The following LRFN5 variants were observed in gnomAD, a reference collection of about 807,000 sequenced individuals.
LRFN5 encodes the protein leucine rich repeat and fibronectin type III domain containing 5.
In LRFN5, 24 loss-of-function variants were observed where a neutral mutation model predicts 45.6. That is an observed-to-expected ratio of 0.53 (90% confidence interval 0.38 to 0.74). The LOEUF is 0.74. LRFN5 is among the 30% of genes least tolerant of loss of function. The pLI, the probability that LRFN5 is intolerant of heterozygous loss-of-function variation, is 0.00. For missense variants in LRFN5, 776 were observed against 861.5 expected (o/e 0.90, Z 1.24); for synonymous variants, 340 against 313.8 (o/e 1.08, Z -0.88).
chr14:41,640,361 G>C (rs1213573488), intron 1 of LRFN5, among the ~76,000 whole-genome samples: 1 of 152,022 alleles, frequency 6.6e-6, no homozygotes, highest in East Asian at 1.9e-4. Context: ...AATGATTTCA[G>C]ATTTTCAGAA....
At chr14:41,726,650 T>C (rs1412280686) in intron 1 of LRFN5, among the ~76,000 whole-genome samples, 1 of 152,154 alleles carries the variant, frequency 6.6e-6, no homozygotes. Context: ...TTTGACTTTT[T>C]AATGGCCATC....
intron 1 of LRFN5, among the ~76,000 whole-genome samples, chr14:41,674,538 C>T (rs1254354778): frequency 1.5e-4 from 21 of 140,970 alleles, no homozygotes; most frequent in Admixed American, 2.7e-4. Context: ...GACGGGGCGG[C>T]TGGCCGGGCA....
At chr14:41,786,543 G>GGT (rs75703747) in intron 2 of LRFN5, among the ~76,000 whole-genome samples, 3 of 142,442 alleles carry the variant, frequency 2.1e-5, no homozygotes. Flanking sequence ...CTCTTTATGA[G>GGT]TTTTTTTTTT....
At chr14:41,867,237 T>C (rs1300764299) in intron 2 of LRFN5, among the ~76,000 whole-genome samples, 1 of 152,126 alleles carries the variant, frequency 6.6e-6, no homozygotes, top group Non-Finnish European at 1.5e-5. Flanking sequence ...TTAATAGTTC[T>C]TTGACTCTTG....
intron 2 of LRFN5, among the ~76,000 whole-genome samples, chr14:41,850,543 A>T (rs984526134): frequency 6.6e-6 from 1 of 151,926 alleles, no homozygotes; most frequent in African/African-American, 2.4e-5. Context: ...TACATACCAC[A>T]CCAATGCATT....
intron 2 of LRFN5, among the ~76,000 whole-genome samples, chr14:41,803,991 G>A (rs1241681217): frequency 6.6e-6 from 1 of 152,110 alleles, no homozygotes; most frequent in East Asian, 1.9e-4. Context: ...AGCCTTCTGA[G>A]TAGTTGGGAT....
At chr14:41,879,050 T>A (rs1485431609) in intron 2 of LRFN5, among the ~76,000 whole-genome samples, 5 of 151,922 alleles carry the variant, frequency 3.3e-5, no homozygotes, top group Non-Finnish European at 7.4e-5. Context: ...TACTTAGAGG[T>A]CTCACACAGA....
At chr14:41,674,375 G>A (rs1284622343) in intron 1 of LRFN5, among the ~76,000 whole-genome samples, 27 of 140,594 alleles carry the variant, frequency 1.9e-4, no homozygotes, top group African/African-American at 7.0e-4. Context: ...GCCGGGCGGG[G>A]GGCTGACCCC....
intron 2 of LRFN5, among the ~76,000 whole-genome samples, chr14:41,880,595 C>G (rs1360017733): frequency 6.6e-6 from 1 of 152,038 alleles, no homozygotes; most frequent in African/African-American, 2.4e-5. Flanking sequence ...TGTGTATTCT[C>G]TATTTATTGA....
intron 2 of LRFN5, among the ~76,000 whole-genome samples, chr14:41,873,194 A>G (rs1890075794): frequency 6.6e-6 from 1 of 152,212 alleles, no homozygotes; most frequent in Admixed American, 6.5e-5. Context: ...ATGAGTGAAT[A>G]AAACTGCATC....
intron 2 of LRFN5, among the ~76,000 whole-genome samples, chr14:41,828,041 A>G (rs1367263323): frequency 1.3e-5 from 2 of 152,030 alleles, no homozygotes; most frequent in African/African-American, 4.8e-5. Flanking sequence ...ATATCTGTTC[A>G]CAGTAAAAAT....
At chr14:41,888,200 G>A (rs1301285221) in intron 3 of LRFN5, among the ~76,000 whole-genome samples, 190 bp downstream of exon 3, 1 of 152,036 alleles carries the variant, frequency 6.6e-6, no homozygotes, top group African/African-American at 2.4e-5. Context: ...TTTTTTTAGA[G>A]AGTTCAATTT....
At chr14:41,656,927 A>G (rs886922321) in intron 1 of LRFN5, among the ~76,000 whole-genome samples, 4 of 151,844 alleles carry the variant, frequency 2.6e-5, no homozygotes, top group African/African-American at 4.8e-5. Flanking sequence ...TTTTTATATC[A>G]TTTTACCACT....
chr14:41,867,734 C>T, intron 2 of LRFN5, among the ~76,000 whole-genome samples: 1 of 152,110 alleles, frequency 6.6e-6, no homozygotes. Flanking sequence ...AAAATCTCCT[C>T]ATTCAGACTT....
chr14:41,641,416 A>G (rs1879571687), intron 1 of LRFN5, among the ~76,000 whole-genome samples: 1 of 152,076 alleles, frequency 6.6e-6, no homozygotes, highest in South Asian at 2.1e-4. Context: ...GTTGGATGGG[A>G]AGACTAACAT....
At chr14:41,877,005 A>T (rs1162846034) in intron 2 of LRFN5, among the ~76,000 whole-genome samples, 2 of 152,180 alleles carry the variant, frequency 1.3e-5, no homozygotes, top group African/African-American at 4.8e-5. Flanking sequence ...GAGAATTAAA[A>T]ATCCTTTATA....
intron 2 of LRFN5, among the ~76,000 whole-genome samples, chr14:41,775,759 G>T (rs900556843): frequency 2.0e-5 from 3 of 152,010 alleles, no homozygotes; most frequent in Non-Finnish European, 2.9e-5. Context: ...GAACCCTCTC[G>T]TTATAAAAAA....
At chr14:41,624,038 T>A (rs1888234006) in intron 1 of LRFN5, among the ~76,000 whole-genome samples, 1 of 152,116 alleles carries the variant, frequency 6.6e-6, no homozygotes, top group Admixed American at 6.6e-5. Context: ...AATAATCTCC[T>A]GAATTATCAA....
chr14:41,715,012 G>T (rs1271772257), intron 1 of LRFN5, among the ~76,000 whole-genome samples: 1 of 152,058 alleles, frequency 6.6e-6, no homozygotes, highest in Non-Finnish European at 1.5e-5. Context: ...AATGTTAAAG[G>T]GTTTTATAAA....
Sources: gnomAD v4.1 joint callset for allele counts (sites outside exome capture counted in the v4.1 genomes callset) on GRCh38, gnomAD v4.1.1 for gene constraint, MANE v1.5 for transcripts, NCBI Gene and HGNC (gene_info 2026-07-23, HGNC 2026-07-21) for gene names.